Variants in BCOR observed in about 807,000 individuals in gnomAD.
BCOR encodes BCL6 corepressor.
Under a neutral mutation model 86.7 loss-of-function variants are expected in BCOR, and 10 were observed. The ratio of observed to expected loss-of-function variants is 0.12; its 90% CI spans 0.07 to 0.20. The LOEUF is 0.20. BCOR is among the 10% of genes least tolerant of loss of function. The probability of loss-of-function intolerance (pLI) is 1.00; values close to 1 mark genes in which losing one functional copy is unlikely to be tolerated. For synonymous variants in BCOR, 611 were observed against 609.0 expected, an observed-to-expected ratio of 1.00 and a Z score of -0.05; for missense variants, 1,259 against 1,452.1, an observed-to-expected ratio of 0.87 and a Z score of 2.16.
chrX:40,117,990 C>T (rs1411254852), intron 1 of BCOR, among the ~76,000 whole-genome samples: 1 of 92,151 alleles, frequency 1.1e-5, no homozygotes, highest in African/African-American at 5.2e-5. Flanking sequence ...CTCCACCCCC[C>T]CCACCCCTTT....
chrX:40,113,187 T>C (rs1352523984), intron 1 of BCOR, among the ~76,000 whole-genome samples: 3 of 86,856 alleles, frequency 3.5e-5, no homozygotes, highest in African/African-American at 1.9e-4. Flanking sequence ...TCTTATTTAT[T>C]TATTTATTTA....
intron 1 of BCOR, among the ~76,000 whole-genome samples, chrX:40,080,963 G>GCACGCACACGCGCA (rs1481204288): frequency 4.8e-4 from 30 of 62,861 alleles, no homozygotes; most frequent in Non-Finnish European, 6.1e-4. Flanking sequence ...ACACGTGCAC[G>GCACGCACACGCGCA]CACGCACACG....
chrX:40,076,394 G>A (rs1935808118), intron 3 of BCOR, 60 bp downstream of exon 3: 1 of 922,182 alleles, frequency 1.1e-6, no homozygotes, highest in Non-Finnish European at 1.6e-6. Flanking sequence ...AAATTAATAC[G>A]ATTGATTACA....
At chrX:40,075,826 C>A (rs1935782076) in intron 3 of BCOR, among the ~76,000 whole-genome samples, 1 of 111,403 alleles carries the variant, frequency 9.0e-6, no homozygotes, top group African/African-American at 3.3e-5. Flanking sequence ...AGCAAAAATT[C>A]TTTGCTACAA....
At chrX:40,143,872 G>A (rs1432496305) in intron 1 of BCOR, among the ~76,000 whole-genome samples, 1 of 112,426 alleles carries the variant, frequency 8.9e-6, no homozygotes, top group African/African-American at 3.2e-5. Context: ...CAGGAGAATC[G>A]CTTGAACCCA....
chrX:40,051,455 A>G lies in BCOR; in HGVS notation c.*654T>C, dbSNP rs1430868715. The stretch of plus-strand genomic sequence containing the variant: ...AATATTTTACAGGGTACAGAAAAAA[A>G]TAGCTCAAAGTCTTCTTTAAATAAG... On this transcript the variant is annotated 3_prime_UTR_variant, in exon 15 of 15. Transcript: ENST00000378444. 3 of 171,398 alleles carry G rather than the reference A, an allele frequency of 1.8e-5. No individual in the cohort carries two copies. The highest frequency in any genetic ancestry group is 8.8e-5 in the African/African-American group (3 of 33,913). The allele number at this position is 171,398 out of a possible 1,213,427, so 14.1% of individuals were successfully genotyped here.
At chrX:40,053,768 G>C in intron 14 of BCOR, 118 bp downstream of exon 14, 3 of 801,752 alleles carry the variant, frequency 3.7e-6, no homozygotes, top group Non-Finnish European at 5.6e-6. Context: ...TGTGAGGTTC[G>C]TGGACAGTTA....
chrX:40,109,786 G>A (rs779183653), intron 1 of BCOR, among the ~76,000 whole-genome samples: 1 of 113,108 alleles, frequency 8.8e-6, no homozygotes, highest in Non-Finnish European at 1.9e-5. Context: ...CGGGAGCCCG[G>A]GAGGGCTGCG....
intron 1 of BCOR, among the ~76,000 whole-genome samples, chrX:40,124,276 T>A (rs757206685): frequency 1.0e-5 from 1 of 99,961 alleles, no homozygotes; most frequent in East Asian, 3.0e-4. Context: ...TCTATATACA[T>A]TTTTTTTTTT....
At chrX:40,162,878 T>C (rs928670034) in intron 1 of BCOR, among the ~76,000 whole-genome samples, 1 of 111,703 alleles carries the variant, frequency 9.0e-6, no homozygotes, top group Non-Finnish European at 1.9e-5. Flanking sequence ...ATTATGCCCG[T>C]GAAACCTCTA....
At chrX:40,064,139 C>T (rs990277970) in intron 7 of BCOR, among the ~76,000 whole-genome samples, 187 bp from the exon 8 acceptor site, 15 of 109,931 alleles carry the variant, frequency 1.4e-4, no homozygotes, top group Non-Finnish European at 2.7e-4. Flanking sequence ...CGGCTCCCCC[C>T]GGGGGCTCCA....
chrX:40,108,353 G>A (rs1009802555), intron 1 of BCOR, among the ~76,000 whole-genome samples: 1 of 113,354 alleles, frequency 8.8e-6, no homozygotes, highest in African/African-American at 3.2e-5. Flanking sequence ...CTGCTCGCCA[G>A]CAACTCCTCA....
At chrX:40,061,473 G>A (rs985418027) in intron 10 of BCOR, among the ~76,000 whole-genome samples, 1 of 111,738 alleles carries the variant, frequency 8.9e-6, no homozygotes, top group Non-Finnish European at 1.9e-5. Context: ...ATGAAAGGGT[G>A]AAATGAGTTA....
chrX:40,163,441 A>G (rs960396906), intron 1 of BCOR, among the ~76,000 whole-genome samples: 1 of 111,175 alleles, frequency 9.0e-6, no homozygotes, highest in Non-Finnish European at 1.9e-5. Flanking sequence ...TAGCTCTCTG[A>G]GTCCCCCTGC....
chrX:40,077,666 G>A, intron 2 of BCOR, 178 bp downstream of exon 2: 1 of 454,503 alleles, frequency 2.2e-6, no homozygotes, highest in South Asian at 3.2e-5. Context: ...CTTTTAAAGG[G>A]CGGCAATGCT....
chrX:40,069,926 C>T (rs1162999765), intron 6 of BCOR, among the ~76,000 whole-genome samples: 1 of 112,203 alleles, frequency 8.9e-6, no homozygotes, highest in Non-Finnish European at 1.9e-5. Context: ...CAAATCAGTC[C>T]TGGTTTAGCT....
In BCOR at chrX:40,057,164, T is replaced by C; in HGVS notation, c.4586A>G (p.Asp1529Gly). ...AAGACACATCACTGACCTGGTTCCA[T>C]CCTGGGCACTACAGTTGACATCAGC... The part of the protein sequence containing the change: ...YGADVNCSAQ[D>G]GTRPLHDAVE... The change falls in exon 11 of 15, where the codon GAT becomes GGT. Residue 1529 changes from aspartate to glycine, a missense_variant. By Grantham distance (94) the Asp-to-Gly change is moderately conservative (BLOSUM62 -1). Transcript: ENST00000378444. The C allele has an allele frequency of 8.3e-7, 1 of 1,211,518 alleles. No homozygotes were observed. Among genetic ancestry groups the C allele is most frequent in the Non-Finnish European group, 1.1e-6 (1 of 895,485 alleles).
chrX:40,162,724 T>C (rs1460114243), intron 1 of BCOR, among the ~76,000 whole-genome samples: 6 of 111,955 alleles, frequency 5.4e-5, no homozygotes, highest in Non-Finnish European at 9.4e-5. Context: ...ATGTGTCATG[T>C]TAAGGGAGCC....
At chrX:40,052,499 G>A in intron 14 of BCOR, 99 bp from the exon 15 acceptor site, 1 of 745,445 alleles carries the variant, frequency 1.3e-6, no homozygotes, top group East Asian at 3.7e-5. Flanking sequence ...CAGCCTCTAT[G>A]TCCTTTCATT....
Sources: gnomAD v4.1 joint callset for allele counts (sites outside exome capture counted in the v4.1 genomes callset) on GRCh38, gnomAD v4.1.1 for gene constraint, MANE v1.5 for transcripts, NCBI Gene and HGNC (gene_info 2026-07-23, HGNC 2026-07-21) for gene names.